CDK6: variants seen among roughly 807,000 people sequenced by gnomAD.
The protein encoded by CDK6 is cyclin dependent kinase 6, also known as cyclin-dependent kinase 6.
A neutral mutation model predicts 37.1 loss-of-function variants in CDK6; 6 were observed. That is an observed-to-expected ratio of 0.16 (90% CI 0.09 to 0.32). The LOEUF is 0.32. Ranked by LOEUF, CDK6 falls within the 10% of genes least tolerant of loss-of-function variation. The probability of loss-of-function intolerance (pLI) is 1.00; values close to 1 mark genes in which losing one functional copy is unlikely to be tolerated. For missense variants in CDK6, 224 were observed against 418.9 expected, an observed-to-expected ratio of 0.53 and a Z score of 4.06; for synonymous variants, 160 against 161.3, an observed-to-expected ratio of 0.99 and a Z score of 0.06.
At chr7:92,755,248 C>A (rs1799286689) in intron 3 of CDK6, among the ~76,000 whole-genome samples, 1 of 152,138 alleles carries the variant, frequency 6.6e-6, no homozygotes, top group African/African-American at 2.4e-5. Flanking sequence ...CCTTTCCCCG[C>A]AGCTGTCTGT....
At chr7:92,636,578 A>G (rs909080744) in intron 5 of CDK6, among the ~76,000 whole-genome samples, 33 of 152,362 alleles carry the variant, frequency 2.2e-4, no homozygotes, top group African/African-American at 7.5e-4. Flanking sequence ...GTCACTCATA[A>G]GAAATGAAAC....
Position 92,764,813 on chromosome 7 carries a change from A to AT in CDK6, c.369+9882dup, listed in dbSNP as rs555702319. ...TTAACTGCAATGAAACGATTGTTTA[A>AT]TTTTTTCCACCTTGCTTAGGAATGA... On this transcript the variant is annotated intron_variant, in intron 3 of 7. Coordinates refer to ENST00000424848, the MANE Select transcript of CDK6 (RefSeq NM_001145306.2). Among the ~76,000 whole-genome samples the AT allele has an allele frequency of 2.2e-4, 34 of 152,328 alleles. No individual in the cohort carries two copies. In the South Asian group the frequency reaches 5.4e-3, roughly 24 times the overall value.
At chr7:92,751,824 TG>T (rs1432072299) in intron 3 of CDK6, among the ~76,000 whole-genome samples, 1 of 152,164 alleles carries the variant, frequency 6.6e-6, no homozygotes, top group Non-Finnish European at 1.5e-5. Flanking sequence ...ATTAAATATA[TG>T]TCTTCATTTC....
intron 4 of CDK6, among the ~76,000 whole-genome samples, chr7:92,681,895 T>C (rs1338711748): frequency 6.6e-6 from 1 of 152,230 alleles, no homozygotes; most frequent in Non-Finnish European, 1.5e-5. Context: ...CAAATCCAAC[T>C]GTCTCCCGGA....
At chr7:92,718,129 G>A (rs913439437) in intron 4 of CDK6, among the ~76,000 whole-genome samples, 6 of 152,182 alleles carry the variant, frequency 3.9e-5, no homozygotes, top group African/African-American at 1.4e-4. Context: ...ACTGGTGAAA[G>A]TGAAAACGAA....
intron 2 of CDK6, among the ~76,000 whole-genome samples, chr7:92,808,845 G>A (rs551685885): frequency 6.6e-6 from 1 of 152,244 alleles, no homozygotes; most frequent in African/African-American, 2.4e-5. Context: ...GTATGATTAT[G>A]TAACAAGACT....
chr7:92,698,426 T>C (rs919248990), intron 4 of CDK6, among the ~76,000 whole-genome samples: 4 of 152,192 alleles, frequency 2.6e-5, no homozygotes, highest in African/African-American at 7.2e-5. Context: ...TCCTGATATA[T>C]GCTGTAATTT....
chr7:92,627,737 T>C (rs951237425), intron 5 of CDK6, among the ~76,000 whole-genome samples: 7 of 152,084 alleles, frequency 4.6e-5, no homozygotes, highest in South Asian at 2.1e-4. Flanking sequence ...TCTGTGAATA[T>C]GCTAAACTGA....
chr7:92,739,762 T>C (rs1289981089), intron 3 of CDK6, among the ~76,000 whole-genome samples: 1 of 152,180 alleles, frequency 6.6e-6, no homozygotes, highest in Non-Finnish European at 1.5e-5. Flanking sequence ...GGTATTTATT[T>C]ATTTATTTTT....
chr7:92,794,466 C>G (rs1290502654), intron 2 of CDK6, among the ~76,000 whole-genome samples: 1 of 152,108 alleles, frequency 6.6e-6, no homozygotes, highest in Non-Finnish European at 1.5e-5. Context: ...CTCGCCACTC[C>G]ATCCTCATCT....
intron 4 of CDK6, among the ~76,000 whole-genome samples, chr7:92,719,267 C>A (rs1798309418): frequency 6.6e-6 from 1 of 152,120 alleles, no homozygotes; most frequent in Non-Finnish European, 1.5e-5. Context: ...ATTAGCTATT[C>A]TTCCTGATGC....
chr7:92,662,169 G>C (rs1389690574), intron 5 of CDK6, among the ~76,000 whole-genome samples: 1 of 152,198 alleles, frequency 6.6e-6, no homozygotes, highest in Non-Finnish European at 1.5e-5. Context: ...CTTGTAAGCA[G>C]GGAGAATGCA....
At chr7:92,739,812 G>T (rs578052381) in intron 3 of CDK6, among the ~76,000 whole-genome samples, 1 of 152,278 alleles carries the variant, frequency 6.6e-6, no homozygotes, top group South Asian at 2.1e-4. Context: ...GCTGGATGGA[G>T]TGCAGTGGTG....
chr7:92,645,862 G>A (rs1585364609), intron 5 of CDK6, among the ~76,000 whole-genome samples: 1 of 152,144 alleles, frequency 6.6e-6, no homozygotes, highest in Admixed American at 6.5e-5. Context: ...ATCTTTTGGC[G>A]GCTCACACCC....
chr7:92,626,903 A>G (rs1562915357), intron 5 of CDK6, among the ~76,000 whole-genome samples: 1 of 152,104 alleles, frequency 6.6e-6, no homozygotes, highest in Non-Finnish European at 1.5e-5. Flanking sequence ...ATTATATAAA[A>G]CATTTCACTG....
chr7:92,734,390 T>C (rs530662077), intron 3 of CDK6, among the ~76,000 whole-genome samples: 12 of 152,270 alleles, frequency 7.9e-5, no homozygotes, highest in South Asian at 2.1e-4. Context: ...CAGATAATTC[T>C]CCTGCTTCAG....
intron 2 of CDK6, among the ~76,000 whole-genome samples, chr7:92,787,802 A>T (rs1800183432): frequency 6.6e-6 from 1 of 152,186 alleles, no homozygotes; most frequent in Non-Finnish European, 1.5e-5. Context: ...ATGTTTCTTA[A>T]ATAAACCAAG....
Position 92,795,930 on chromosome 7 carries a change from C to CT in CDK6, c.234-21100dup, listed in dbSNP as rs3731284. 7.7e-4 allele frequency among the ~76,000 whole-genome samples: 117 copies of CT among 152,134 alleles called. 1 individual carries two copies. The highest frequency in any genetic ancestry group is 2.5e-3 in the African/African-American group (103 of 41,536). On this transcript the variant is annotated intron_variant, in intron 2 of 7. Coordinates refer to ENST00000424848, the MANE Select transcript of CDK6 (RefSeq NM_001145306.2). Reference sequence around the variant, plus strand: ...TAGCTGTTACTAGGAGGTCATTCTACTAAAGCCACCTTCTTGTCCTACATT... The same window carrying CT: ...TAGCTGTTACTAGGAGGTCATTCTACTTAAAGCCACCTTCTTGTCCTACATT...
At chr7:92,676,904 A>G (rs1165479617) in intron 4 of CDK6, among the ~76,000 whole-genome samples, 2 of 150,986 alleles carry the variant, frequency 1.3e-5, no homozygotes, top group Non-Finnish European at 2.9e-5. Context: ...GCTTGCAGTG[A>G]GCTGAGATCG....
Sources: allele counts gnomAD v4.1 joint callset (sites outside exome capture counted in the v4.1 genomes callset), GRCh38; gene constraint gnomAD v4.1.1; transcripts MANE v1.5; gene names NCBI Gene and HGNC (gene_info 2026-07-23, HGNC 2026-07-21).